The following RALGAPA2 variants were observed in gnomAD, a reference collection of about 807,000 sequenced individuals.
The protein encoded by RALGAPA2 is ral GTPase-activating protein subunit alpha-2.
In RALGAPA2, 139 loss-of-function variants were observed where a neutral mutation model predicts 230.4. The ratio of observed to expected loss-of-function variants is 0.60; its 90% confidence interval spans 0.53 to 0.69. The LOEUF (loss-of-function observed/expected upper bound fraction) is 0.69, where lower values mean the gene tolerates loss of function less well. Among genes scored for constraint, RALGAPA2 ranks in the 30% least tolerant of loss-of-function variants. The probability of loss-of-function intolerance (pLI) is 0.00; values close to 1 mark genes in which losing one functional copy is unlikely to be tolerated. For synonymous variants in RALGAPA2, 847 were observed against 837.8 expected (o/e 1.01, Z -0.19); for missense variants, 2,163 against 2,276.0 (o/e 0.95, Z 1.01).
At chr20:20,519,315 T>G (rs1038288614) in intron 31 of RALGAPA2, among the ~76,000 whole-genome samples, 3 of 152,064 alleles carry the variant, frequency 2.0e-5, no homozygotes, top group Non-Finnish European at 4.4e-5. Context: ...CAGTCCTGTC[T>G]TTTTCATCCT....
chr20:20,399,116 G>A (rs376557400), intron 38 of RALGAPA2, among the ~76,000 whole-genome samples: 10 of 152,104 alleles, frequency 6.6e-5, no homozygotes, highest in East Asian at 1.9e-4. Context: ...AGGCCAAGGC[G>A]GGTGGATCAC....
chr20:20,505,979 A>G (rs1231804181), intron 33 of RALGAPA2, among the ~76,000 whole-genome samples: 1 of 152,202 alleles, frequency 6.6e-6, no homozygotes, highest in Non-Finnish European at 1.5e-5. Context: ...GTGACTGTCC[A>G]TATTTAACTC....
At chr20:20,573,983 T>C (rs2064738929) in intron 20 of RALGAPA2, among the ~76,000 whole-genome samples, 1 of 152,238 alleles carries the variant, frequency 6.6e-6, no homozygotes, top group African/African-American at 2.4e-5. Context: ...GTCATAAGTG[T>C]ATGCTTAATA....
Position 20,639,131 on chromosome 20 carries a change from A to C in RALGAPA2, c.666+654T>G, listed in dbSNP as rs1000680910. On this transcript the variant is annotated intron_variant, in intron 7 of 39. Transcript: ENST00000202677. ...CAGAAGGCAGCTAACAGTGGGTGTCAAAAGAACATGAATGAGGATGTGAAC... is the reference window on the plus strand; with the variant it reads ...CAGAAGGCAGCTAACAGTGGGTGTCCAAAGAACATGAATGAGGATGTGAAC... Among the ~76,000 whole-genome samples the C allele has an allele frequency of 2.2e-4, 33 of 152,224 alleles. 1 individual carries two copies. In the East Asian group the frequency reaches 2.5e-3, roughly 12 times the overall value.
At chr20:20,463,208 C>CA in intron 37 of RALGAPA2, among the ~76,000 whole-genome samples, 1 of 146,138 alleles carries the variant, frequency 6.8e-6, no homozygotes, top group East Asian at 2.0e-4. Flanking sequence ...TTTTCTGTCT[C>CA]ACTGTTTTTT....
In RALGAPA2 at chr20:20,712,633, A is replaced by G; in HGVS notation, c.-153T>C. 9.3e-7 allele frequency: 1 copy of G among 1,078,764 alleles called. No homozygotes were observed. 66.8% of individuals were successfully genotyped at this position (1,078,764 alleles called of 1,614,324 possible). ...CCGCCGCCGCCGCCGCCGCCGCCTC[A>G]GCTGTGTCTCCAGGAAGGAGGGGCG... On this transcript the variant is annotated 5_prime_UTR_variant, in exon 1 of 40. Coordinates refer to ENST00000202677, the MANE Select transcript of RALGAPA2 (RefSeq NM_020343.4). The surrounding 1 kb of genome is among the most constrained non-coding windows in gnomAD (Gnocchi z 5.5).
At chr20:20,525,857 G>A (rs991982363) in intron 28 of RALGAPA2, among the ~76,000 whole-genome samples, 2 of 152,174 alleles carry the variant, frequency 1.3e-5, no homozygotes, top group African/African-American at 4.8e-5. Flanking sequence ...GTGGTCCAGG[G>A]CTTTAGTCTG....
In RALGAPA2 at chr20:20,697,619, C is replaced by A. The variant is rs1205104179; in HGVS notation, c.106+14756G>T. Among the ~76,000 whole-genome samples the A allele has an allele frequency of 2.6e-5, 4 of 152,216 alleles. No individual in the cohort carries two copies. The East Asian group carries it at 7.7e-4, about 29-fold the overall frequency. The stretch of plus-strand genomic sequence containing the variant: ...GGACAAGTGATCCAGGCTGACCAAT[C>A]ACAGTACCCCATCTCCCTCACCCAG... On this transcript the variant is annotated intron_variant, in intron 1 of 39. Coordinates refer to ENST00000202677, the MANE Select transcript of RALGAPA2 (RefSeq NM_020343.4).
chr20:20,458,869 TATATATAC>T (rs1569418320), intron 37 of RALGAPA2, among the ~76,000 whole-genome samples: 11 of 11,128 alleles, frequency 9.9e-4, no homozygotes, highest in African/African-American at 3.1e-3. Flanking sequence ...TATATATATA[TATATATAC>T]ACACACACAA....
chr20:20,509,337 C>T (rs538094643), intron 33 of RALGAPA2, among the ~76,000 whole-genome samples: 1 of 152,280 alleles, frequency 6.6e-6, no homozygotes, highest in Non-Finnish European at 1.5e-5. Flanking sequence ...TACTGTCTCA[C>T]CTGATAAGTC....
At position 20,712,268 on chromosome 20, in the gene RALGAPA2, AT is replaced by A; in HGVS notation, c.106+106del. 2.9e-6 allele frequency: 1 copy of A among 346,916 alleles called. No homozygotes were observed. The highest frequency in any genetic ancestry group is 5.5e-6 in the Non-Finnish European group (1 of 182,692). The allele number at this position is 346,916 out of a possible 1,614,324, so 21.5% of individuals were successfully genotyped here. On this transcript the variant is annotated intron_variant, in intron 1 of 39. Transcript: ENST00000202677. The surrounding 1 kb of genome is among the most constrained non-coding windows in gnomAD (Gnocchi z 5.5). The stretch of plus-strand genomic sequence containing the variant: ...AGGGAAGGGGGTCGGACGCCCACCC[AT>A]CCCCCTCCCCAGCCTCCCAGCCACC...
At position 20,629,549 on chromosome 20, in the gene RALGAPA2, C is replaced by G; in HGVS notation, c.1047G>C (p.Leu349=). The G allele has an allele frequency of 6.2e-7, 1 of 1,613,786 alleles. No individual in the cohort carries two copies. The highest frequency in any genetic ancestry group is 2.2e-5 in the East Asian group (1 of 44,880). ...CCTGCTCCGTGGGCCCACCACCATCCAGCTCAGGCGCTCTCTCCTGCACAG... is the reference window on the plus strand; with the variant it reads ...CCTGCTCCGTGGGCCCACCACCATCGAGCTCAGGCGCTCTCTCCTGCACAG... ...GGAVQERAPE[L]DGGGPTEQDK... The change falls in exon 10 of 40, where the codon CTG becomes CTC. Residue 349 remains leucine (L), a synonymous_variant. Transcript: ENST00000202677.
Position 20,417,409 on chromosome 20 carries a change from T to C in RALGAPA2, c.5496-5261A>G, listed in dbSNP as rs192618401. 1.8e-4 allele frequency among the ~76,000 whole-genome samples: 28 copies of C among 152,360 alleles called. No homozygotes were observed. The East Asian group carries it at 2.3e-3, about 13-fold the overall frequency. The stretch of plus-strand genomic sequence containing the variant: ...CATGCTTCTTCCAGTTCCAGGTGGC[T>C]GTCTGCATTCACGGGGCTGCATGAC... On this transcript the variant is annotated intron_variant, in intron 37 of 39. Transcript: ENST00000202677.
chr20:20,406,636 G>A (rs185151320), intron 38 of RALGAPA2, among the ~76,000 whole-genome samples: 1 of 152,332 alleles, frequency 6.6e-6, no homozygotes, highest in African/African-American at 2.4e-5. Context: ...TTTGGGTCAG[G>A]TGCAGTGGCA....
chr20:20,418,453 C>T (rs975036409), intron 37 of RALGAPA2, among the ~76,000 whole-genome samples: 10 of 152,280 alleles, frequency 6.6e-5, no homozygotes, highest in South Asian at 6.2e-4. Context: ...GAAGAACAGA[C>T]GTGCGTGCTT....
intron 37 of RALGAPA2, among the ~76,000 whole-genome samples, chr20:20,413,054 A>G (rs916110424): frequency 6.6e-6 from 1 of 152,242 alleles, no homozygotes; most frequent in Middle Eastern, 3.2e-3. Context: ...CACTTGGGGA[A>G]GTCCGCATGA....
chr20:20,559,024 T>G (rs1011968167), intron 23 of RALGAPA2, among the ~76,000 whole-genome samples: 8 of 152,202 alleles, frequency 5.3e-5, no homozygotes, highest in Non-Finnish European at 7.3e-5. Flanking sequence ...TTTCTGTTCG[T>G]TACTTCCCAC....
At chr20:20,401,197 C>A (rs1271269604) in intron 38 of RALGAPA2, among the ~76,000 whole-genome samples, 1 of 152,154 alleles carries the variant, frequency 6.6e-6, no homozygotes, top group African/African-American at 2.4e-5. Context: ...TCTCAATAAG[C>A]TGGTTTTTAA....
intron 31 of RALGAPA2, among the ~76,000 whole-genome samples, chr20:20,517,601 T>C (rs6082029): frequency 0.033 from 4,965 of 151,956 alleles, 101 homozygotes; most frequent in South Asian, 0.061. Flanking sequence ...CTTCAAGAGA[T>C]CCTTGCCATT....
Sources: allele counts gnomAD v4.1 joint callset (sites outside exome capture counted in the v4.1 genomes callset), GRCh38; gene constraint gnomAD v4.1.1; non-coding constraint Gnocchi (gnomAD v3.1); transcripts MANE v1.5; gene names NCBI Gene and HGNC (gene_info 2026-07-23, HGNC 2026-07-21).